The following PVT1 variants were observed in gnomAD, a reference collection of about 807,000 sequenced individuals.
The protein encoded by PVT1 is Pvt1 oncogene, also known as CXCR4/PVT1 fusion.
At chr8:127,859,354 G>A (rs781620684) in intron 2 of PVT1, among the ~76,000 whole-genome samples, 2 of 152,018 alleles carry the variant, frequency 1.3e-5, no homozygotes, top group Non-Finnish European at 1.5e-5. Context: ...CCTCATACCG[G>A]CCATGACCTT....
intron 2 of PVT1, among the ~76,000 whole-genome samples, chr8:127,837,089 G>A (rs1465641485): frequency 6.6e-6 from 1 of 152,178 alleles, no homozygotes; most frequent in Non-Finnish European, 1.5e-5. Flanking sequence ...GGAAGTGGCA[G>A]CGCTCTTTGG....
At chr8:128,074,482 C>A (rs1352637716) in intron 5 of PVT1, among the ~76,000 whole-genome samples, 2 of 149,972 alleles carry the variant, frequency 1.3e-5, no homozygotes, top group Non-Finnish European at 3.0e-5. Flanking sequence ...GAGATCATGC[C>A]ACAGCACTCC....
intron 2 of PVT1, among the ~76,000 whole-genome samples, chr8:127,863,291 T>C (rs193170281): frequency 2.6e-5 from 4 of 152,066 alleles, no homozygotes; most frequent in African/African-American, 9.6e-5. Context: ...TTTGCATTTT[T>C]AGTAGAGATG....
At chr8:128,080,749 T>G (rs1178644444) in intron 5 of PVT1, among the ~76,000 whole-genome samples, 1 of 152,220 alleles carries the variant, frequency 6.6e-6, no homozygotes, top group South Asian at 2.1e-4. Flanking sequence ...TTTCATAGAT[T>G]GTGGCTTTGG....
At chr8:127,914,056 A>C (rs913923921) in intron 3 of PVT1, among the ~76,000 whole-genome samples, 1 of 152,050 alleles carries the variant, frequency 6.6e-6, no homozygotes, top group African/African-American at 2.4e-5. Context: ...ACATTAGTGG[A>C]CTCAAAACCA....
intron 4 of PVT1, among the ~76,000 whole-genome samples, chr8:128,037,114 G>A (rs1418851601): frequency 6.6e-6 from 1 of 152,222 alleles, no homozygotes; most frequent in Non-Finnish European, 1.5e-5. Flanking sequence ...CCCCCAGGCA[G>A]TGGGAAGAGG....
chr8:127,935,116 A>G (rs28475595), intron 3 of PVT1, among the ~76,000 whole-genome samples: 54,163 of 151,682 alleles, frequency 0.36, 9,875 homozygotes, highest in East Asian at 0.53. Flanking sequence ...ACAGGCATGC[A>G]CCACCACACC....
chr8:128,038,734 A>C (rs893469174), intron 4 of PVT1, among the ~76,000 whole-genome samples: 1 of 152,130 alleles, frequency 6.6e-6, no homozygotes, highest in Non-Finnish European at 1.5e-5. Context: ...GTGTCTTGCT[A>C]ATTGAGAGGG....
At chr8:127,816,381 C>G (rs892329264) in intron 2 of PVT1, among the ~76,000 whole-genome samples, 1 of 151,650 alleles carries the variant, frequency 6.6e-6, no homozygotes, top group Non-Finnish European at 1.5e-5. Flanking sequence ...CTCCTGGGCT[C>G]GAGAGATCCT....
intron 3 of PVT1, among the ~76,000 whole-genome samples, chr8:127,925,281 T>C (rs547412406): frequency 6.6e-6 from 1 of 152,296 alleles, no homozygotes; most frequent in African/African-American, 2.4e-5. Flanking sequence ...CATCTGTTGA[T>C]GAACATTTGG....
chr8:128,082,357 A>C (rs1223796954), intron 5 of PVT1, among the ~76,000 whole-genome samples: 2 of 152,200 alleles, frequency 1.3e-5, no homozygotes, highest in Non-Finnish European at 1.5e-5. Context: ...TTTACAGTTA[A>C]AATAATGAGA....
chr8:128,054,035 C>G (rs1036174320), intron 4 of PVT1, among the ~76,000 whole-genome samples: 1 of 152,242 alleles, frequency 6.6e-6, no homozygotes, highest in Non-Finnish European at 1.5e-5. Context: ...GTGATAACCT[C>G]TTGCCAGTCT....
At chr8:128,040,616 TG>T (rs1288097254) in intron 4 of PVT1, among the ~76,000 whole-genome samples, 1 of 152,240 alleles carries the variant, frequency 6.6e-6, no homozygotes, top group East Asian at 1.9e-4. Context: ...GCCTTAAATA[TG>T]AGCGTGATCA....
At chr8:127,848,328 G>A (rs1460630438) in intron 2 of PVT1, among the ~76,000 whole-genome samples, 4 of 151,668 alleles carry the variant, frequency 2.6e-5, no homozygotes, top group Non-Finnish European at 5.9e-5. Flanking sequence ...GAGGCAGGGG[G>A]TTGCTTGAGC....
chr8:128,031,304 C>T (rs997822586), intron 4 of PVT1, among the ~76,000 whole-genome samples: 4 of 152,188 alleles, frequency 2.6e-5, no homozygotes, highest in Non-Finnish European at 5.9e-5. Flanking sequence ...GGGCTGCTCG[C>T]CCAGCCAAGG....
intron 3 of PVT1, among the ~76,000 whole-genome samples, chr8:127,931,494 G>T (rs972277356): frequency 2.0e-5 from 3 of 152,234 alleles, no homozygotes; most frequent in Non-Finnish European, 2.9e-5. Context: ...AGCACTGTGT[G>T]TGTATGATTC....
Position 128,038,547 on chromosome 8 carries a change from A to G in PVT1, n.913-31613A>G, listed in dbSNP as rs188795150. ...GCTTGAGGGTGCTGGCCTCTGGAGT[A>G]ACAAGCCTCTGTAAATAATCAAGTC... On this transcript the variant is annotated intron_variant and non_coding_transcript_variant, in intron 4 of 10. Coordinates refer to ENST00000651587, the Ensembl canonical transcript of PVT1. Among the ~76,000 whole-genome samples the G allele has an allele frequency of 3.1e-3, 471 of 152,286 alleles. 1 individual carries two copies. The highest frequency in any genetic ancestry group is 4.6e-3 in the Non-Finnish European group (315 of 68,020).
At chr8:128,073,602 T>A (rs949193388) in intron 5 of PVT1, among the ~76,000 whole-genome samples, 1 of 152,036 alleles carries the variant, frequency 6.6e-6, no homozygotes, top group Non-Finnish European at 1.5e-5. Context: ...CCACTTCAAC[T>A]TGTGAGGAAT....
intron 3 of PVT1, among the ~76,000 whole-genome samples, chr8:127,959,100 G>T (rs1367741300): frequency 6.6e-6 from 1 of 152,198 alleles, no homozygotes; most frequent in Non-Finnish European, 1.5e-5. Context: ...GGCTCTAAGG[G>T]AGAAAGAGCA....
Sources: allele counts gnomAD v4.1 joint callset (sites outside exome capture counted in the v4.1 genomes callset), GRCh38; gene constraint gnomAD v4.1.1; transcripts MANE v1.5; gene names NCBI Gene and HGNC (gene_info 2026-07-23, HGNC 2026-07-21).